Variants in CDIN1 observed in about 807,000 individuals in gnomAD.
CDIN1 encodes CDAN1-interacting nuclease 1.
CDIN1 carries 33 observed loss-of-function variants against 45.3 expected under a neutral mutation model. The observed-to-expected ratio is 0.73, with a 90% CI of 0.55 to 0.97. The LOEUF is 0.97. Ranked by LOEUF, CDIN1 falls within the 50% of genes least tolerant of loss-of-function variation. The pLI, the probability that CDIN1 is intolerant of heterozygous loss-of-function variation, is 0.00. For missense variants in CDIN1, 303 were observed against 339.4 expected (o/e 0.89, Z 0.84); for synonymous variants, 118 against 124.4 (o/e 0.95, Z 0.34).
chr15:36,619,044 A>G, intron 1 of CDIN1: 2 of 1,324,858 alleles, frequency 1.5e-6, no homozygotes, highest in Middle Eastern at 2.2e-4. Context: ...CTCCCACGAC[A>G]AACAAAGACA....
chr15:36,760,703 G>A (rs1023684305), intron 10 of CDIN1, among the ~76,000 whole-genome samples: 5 of 147,928 alleles, frequency 3.4e-5, no homozygotes, highest in East Asian at 3.9e-4. Flanking sequence ...GACATAAGGA[G>A]CATCTAAGAA....
chr15:36,689,904 A>G (rs1434307690), intron 5 of CDIN1, among the ~76,000 whole-genome samples: 1 of 152,200 alleles, frequency 6.6e-6, no homozygotes, highest in African/African-American at 2.4e-5. Context: ...TAGAGACCAC[A>G]CAAGAACACT....
intron 1 of CDIN1, among the ~76,000 whole-genome samples, chr15:36,626,058 T>A (rs752507761): frequency 6.6e-6 from 1 of 151,838 alleles, no homozygotes; most frequent in Admixed American, 6.6e-5. Flanking sequence ...TCTCTGTTAT[T>A]GTCATCAGGA....
At chr15:36,620,780 A>AT (rs200993044) in intron 1 of CDIN1, among the ~76,000 whole-genome samples, 34 of 139,160 alleles carry the variant, frequency 2.4e-4, no homozygotes, top group Non-Finnish European at 3.5e-4. Flanking sequence ...GTAAAATATT[A>AT]TTTTTTTTTT....
At chr15:36,798,404 C>T (rs1023527681) in intron 10 of CDIN1, among the ~76,000 whole-genome samples, 1 of 152,082 alleles carries the variant, frequency 6.6e-6, no homozygotes, top group African/African-American at 2.4e-5. Flanking sequence ...CTTTTGGGGA[C>T]TAGGTTGGCT....
At chr15:36,713,231 C>A (rs1371765294) in intron 10 of CDIN1, among the ~76,000 whole-genome samples, 1 of 152,074 alleles carries the variant, frequency 6.6e-6, no homozygotes, top group Non-Finnish European at 1.5e-5. Flanking sequence ...AGAGAAAGAG[C>A]CATATGCTAT....
chr15:36,751,246 T>C (rs1036257578), intron 10 of CDIN1, among the ~76,000 whole-genome samples: 4 of 141,490 alleles, frequency 2.8e-5, no homozygotes, highest in African/African-American at 1.0e-4. Flanking sequence ...TATATATATA[T>C]ATATATATAT....
At chr15:36,584,111 C>G (rs1426364382) in intron 1 of CDIN1, among the ~76,000 whole-genome samples, 2 of 152,036 alleles carry the variant, frequency 1.3e-5, no homozygotes, top group Non-Finnish European at 2.9e-5. Context: ...AATTATTTAC[C>G]CAATTTTTGG....
intron 8 of CDIN1, chr15:36,702,067 T>TGTACA (rs1221740979): frequency 2.8e-6 from 2 of 702,096 alleles, no homozygotes; most frequent in African/African-American, 1.7e-5. Context: ...CAAGACTGTG[T>TGTACA]GTACACGCAG....
At chr15:36,668,147 A>G (rs1208316263) in intron 5 of CDIN1, 1 of 152,052 alleles carries the variant, frequency 6.6e-6, no homozygotes, top group Non-Finnish European at 1.5e-5. Flanking sequence ...TACAGGACTA[A>G]TTTTTCTTGG....
intron 10 of CDIN1, among the ~76,000 whole-genome samples, chr15:36,725,093 C>A (rs766508416): frequency 6.6e-6 from 1 of 152,064 alleles, no homozygotes; most frequent in Non-Finnish European, 1.5e-5. Flanking sequence ...GGCTTGTTGA[C>A]GTATTTTGAC....
rs1322619130 is a variant in CDIN1, at chr15:36,809,230, C to T, written c.*777C>T. 7.7e-6 allele frequency: 2 copies of T among 260,750 alleles called. No homozygotes were observed. Among genetic ancestry groups the T allele is most frequent in the South Asian group, 4.2e-5 (1 of 24,046 alleles). 16.2% of individuals were successfully genotyped at this position (260,750 alleles called of 1,614,324 possible). A position where few individuals can be genotyped will look rare whatever the true frequency, so the allele number is the denominator to read the frequency against. On this transcript the variant is annotated 3_prime_UTR_variant, in exon 11 of 11. Coordinates refer to ENST00000566621, the MANE Select transcript of CDIN1 (RefSeq NM_001321759.2). ...CTCCTTTAGATTGGGGGCCGAGAGG[C>T]GACAACCCAACATTGAGGAGAGTTT...
Position 36,618,814 on chromosome 15 carries a change from T to C in CDIN1, c.102-25464T>C. 3 of 799,344 alleles carry C rather than the reference T, an allele frequency of 3.8e-6. No individual in the cohort carries two copies. The East Asian group carries it at 7.3e-5, about 19-fold the overall frequency. The allele number at this position is 799,344 out of a possible 1,614,324, so 49.5% of individuals were successfully genotyped here. On this transcript the variant is annotated intron_variant, in intron 1 of 10. Transcript: ENST00000566621. ...TAGAGGATTCCTCTGTTCAGAAGGA[T>C]GGTCTCAACCAGACAACTATACCAG... is the stretch of plus-strand genomic sequence containing the variant.
At chr15:36,647,400 C>A (rs1174291358) in intron 3 of CDIN1, among the ~76,000 whole-genome samples, 3 of 152,112 alleles carry the variant, frequency 2.0e-5, no homozygotes, top group Non-Finnish European at 2.9e-5. Context: ...AAATAGATTT[C>A]TTTCAATTTA....
chr15:36,662,329 C>T (rs2041047841), intron 5 of CDIN1, among the ~76,000 whole-genome samples: 1 of 152,198 alleles, frequency 6.6e-6, no homozygotes, highest in Admixed American at 6.5e-5. Context: ...CCTGCCTCCA[C>T]ACACACACCA....
intron 10 of CDIN1, among the ~76,000 whole-genome samples, chr15:36,772,962 T>G (rs911875754): frequency 5.3e-5 from 8 of 152,186 alleles, no homozygotes; most frequent in African/African-American, 1.9e-4. Flanking sequence ...AGTAATGCTT[T>G]GTTCTCTCCT....
At chr15:36,753,646 G>A (rs1255713911) in intron 10 of CDIN1, among the ~76,000 whole-genome samples, 2 of 150,902 alleles carry the variant, frequency 1.3e-5, no homozygotes, top group African/African-American at 4.9e-5. Flanking sequence ...AAATTTATGT[G>A]AATGGTTTGT....
chr15:36,586,877 G>T (rs2037327133), intron 1 of CDIN1, among the ~76,000 whole-genome samples: 1 of 152,228 alleles, frequency 6.6e-6, no homozygotes, highest in African/African-American at 2.4e-5. Flanking sequence ...TGAAGTATTA[G>T]AATCATAGAA....
intron 10 of CDIN1, among the ~76,000 whole-genome samples, chr15:36,764,339 A>G (rs193254793): frequency 3.9e-4 from 59 of 150,478 alleles, no homozygotes; most frequent in African/African-American, 1.4e-3. Context: ...CTGTTTTATG[A>G]TGCCAAAAGA....
Sources: allele counts gnomAD v4.1 joint callset (sites outside exome capture counted in the v4.1 genomes callset), GRCh38; gene constraint gnomAD v4.1.1; transcripts MANE v1.5; gene names NCBI Gene and HGNC (gene_info 2026-07-23, HGNC 2026-07-21).